The following PPP3CC variants were observed in gnomAD, a reference collection of about 807,000 sequenced individuals.
The protein encoded by PPP3CC is serine/threonine-protein phosphatase 2B catalytic subunit gamma isoform.
A neutral mutation model predicts 60.3 loss-of-function variants in PPP3CC; 35 were observed. The observed-to-expected ratio is 0.58, with a 90% confidence interval of 0.44 to 0.77. PPP3CC has a LOEUF of 0.77. Ranked by LOEUF, PPP3CC falls within the 30% of genes least tolerant of loss-of-function variation. PPP3CC has a pLI of 0.00. For synonymous variants in PPP3CC, 206 were observed against 224.3 expected (o/e 0.92, Z 0.73); for missense variants, 570 against 628.9 (o/e 0.91, Z 1.00).
chr8:22,452,539 G>A (rs12545909), intron 1 of PPP3CC, among the ~76,000 whole-genome samples: 83,541 of 151,680 alleles, frequency 0.55, 24,033 homozygotes, highest in African/African-American at 0.72. Flanking sequence ...TCTGTTAGCC[G>A]GCTGAAGAAG....
At chr8:22,496,204 T>TA (rs1838575078) in intron 3 of PPP3CC, among the ~76,000 whole-genome samples, 2 of 152,086 alleles carry the variant, frequency 1.3e-5, no homozygotes, top group Non-Finnish European at 2.9e-5. Flanking sequence ...TGTAGGTACT[T>TA]TTATACTATA....
chr8:22,447,788 G>A (rs1050299698), intron 1 of PPP3CC, among the ~76,000 whole-genome samples: 6 of 152,046 alleles, frequency 3.9e-5, no homozygotes, highest in Non-Finnish European at 7.4e-5. Context: ...TTGTTTTGTT[G>A]GCACTTTAGA....
At chr8:22,444,281 A>C (rs925015537) in intron 1 of PPP3CC, among the ~76,000 whole-genome samples, 7 of 151,190 alleles carry the variant, frequency 4.6e-5, no homozygotes, top group African/African-American at 1.5e-4. Context: ...AAAAAAACTC[A>C]TCTGTAAAAT....
intron 4 of PPP3CC, among the ~76,000 whole-genome samples, chr8:22,498,591 A>T (rs561274966): frequency 2.4e-4 from 37 of 152,394 alleles, no homozygotes; most frequent in Non-Finnish European, 5.0e-4. Flanking sequence ...TTTACAAATA[A>T]AATTGGGCTC....
chr8:22,520,002 G>A (rs1839362512), intron 6 of PPP3CC, among the ~76,000 whole-genome samples: 2 of 152,082 alleles, frequency 1.3e-5, no homozygotes, highest in South Asian at 4.2e-4. Context: ...CTCTCATAAG[G>A]CTGGTGTAGT....
chr8:22,523,478 G>A (rs189810013), intron 8 of PPP3CC, among the ~76,000 whole-genome samples: 1 of 152,192 alleles, frequency 6.6e-6, no homozygotes, highest in East Asian at 1.9e-4. Flanking sequence ...TATAAAGTAT[G>A]ACTATAAATT....
intron 13 of PPP3CC, among the ~76,000 whole-genome samples, chr8:22,540,222 C>A (rs1038268244): frequency 1.3e-5 from 2 of 152,016 alleles, no homozygotes; most frequent in African/African-American, 4.8e-5. Flanking sequence ...AAGCAACTAC[C>A]CTGGGTTTAA....
rs534862934 is a variant in PPP3CC at position 22,455,071 on chromosome 8, A to AAAG, written c.49+13615_49+13616insGAA. On this transcript the variant is annotated intron_variant, in intron 1 of 13. Transcript: ENST00000240139. ...ACTCCATCTCAAAAAAAAAAAAAAA[A>AAAG]AAAGAAAGAAAGGACTTAAACCTAA... Among the ~76,000 whole-genome samples, 1,448 of 150,630 alleles carry AAAG rather than the reference A, an allele frequency of 9.6e-3. 13 individuals carry two copies. Among genetic ancestry groups the AAAG allele is most frequent in the African/African-American group, 0.034 (1,382 of 40,342 alleles).
intron 1 of PPP3CC, among the ~76,000 whole-genome samples, chr8:22,466,229 T>C (rs527454371): frequency 6.6e-6 from 1 of 152,176 alleles, no homozygotes; most frequent in African/African-American, 2.4e-5. Flanking sequence ...CTTTATCCAG[T>C]CTATCATTGA....
At chr8:22,492,583 C>T (rs569849683) in intron 3 of PPP3CC, 3 of 467,162 alleles carry the variant, frequency 6.4e-6, no homozygotes, top group Admixed American at 3.5e-5. Context: ...CCAACCCTAG[C>T]CCCCCACGTT....
intron 1 of PPP3CC, among the ~76,000 whole-genome samples, chr8:22,460,624 A>C (rs1837337371): frequency 6.6e-6 from 1 of 151,808 alleles, no homozygotes; most frequent in Admixed American, 6.6e-5. Context: ...GTTTGAGACC[A>C]GCCTGGGCAA....
chr8:22,464,975 C>A (rs373667320), intron 1 of PPP3CC, among the ~76,000 whole-genome samples: 2 of 150,132 alleles, frequency 1.3e-5, no homozygotes, highest in East Asian at 3.9e-4. Flanking sequence ...TTAGACTCTC[C>A]CTTTTTTTTT....
In PPP3CC at chr8:22,523,347, G is replaced by C. The variant is rs557276322; in HGVS notation, c.943+598G>C. Among the ~76,000 whole-genome samples the C allele has an allele frequency of 8.5e-5, 13 of 152,150 alleles. 2 individuals are homozygous for C. Among genetic ancestry groups the C allele is most frequent in the African/African-American group, 3.1e-4 (13 of 41,532 alleles). ...TTTGTTCCAGAAATTTTACTTCTAA[G>C]ACTTTATCCTGTTAAAGTCTTTTTT... is the stretch of plus-strand genomic sequence containing the variant. On this transcript the variant is annotated intron_variant, in intron 8 of 13. Coordinates refer to ENST00000240139, the MANE Select transcript of PPP3CC (RefSeq NM_005605.5).
chr8:22,442,133 T>C (rs1270720681), intron 1 of PPP3CC, among the ~76,000 whole-genome samples: 1 of 152,250 alleles, frequency 6.6e-6, no homozygotes, highest in Non-Finnish European at 1.5e-5. Context: ...GGCTCTTTGC[T>C]CTCTAAATCT....
intron 1 of PPP3CC, among the ~76,000 whole-genome samples, chr8:22,454,633 A>G (rs562166282): frequency 6.6e-6 from 1 of 152,328 alleles, no homozygotes; most frequent in Non-Finnish European, 1.5e-5. Flanking sequence ...TGATGTTAAG[A>G]CAGGTGAAAA....
At chr8:22,468,325 A>G (rs1038797510) in intron 1 of PPP3CC, among the ~76,000 whole-genome samples, 2 of 152,060 alleles carry the variant, frequency 1.3e-5, no homozygotes, top group African/African-American at 4.8e-5. Flanking sequence ...GGCTGATCTC[A>G]AACTCCTGAC....
chr8:22,533,875 A>G (rs1839783553), intron 12 of PPP3CC, among the ~76,000 whole-genome samples: 1 of 151,516 alleles, frequency 6.6e-6, no homozygotes, highest in African/African-American at 2.4e-5. Context: ...TAATATTATT[A>G]TAGTTTTTCA....
At chr8:22,447,059 G>C (rs1184828274) in intron 1 of PPP3CC, among the ~76,000 whole-genome samples, 1 of 151,864 alleles carries the variant, frequency 6.6e-6, no homozygotes, top group Non-Finnish European at 1.5e-5. Flanking sequence ...CCAGGCTGGA[G>C]TACAGTGGCG....
chr8:22,527,408 T>C lies in PPP3CC; in HGVS notation c.960T>C (p.Tyr320=), dbSNP rs146379897. The part of the protein sequence containing the change: ...VYNNKAAVLK[Y]ENNVMNIRQF... Reference sequence around the variant, plus strand: ...CCTTTTTAGCTGCTGTGTTGAAATATGAAAACAATGTCATGAATATCAGGC... The same window carrying C: ...CCTTTTTAGCTGCTGTGTTGAAATACGAAAACAATGTCATGAATATCAGGC... The change falls in exon 9 of 14, where the codon TAT becomes TAC. Residue 320 remains tyrosine, a synonymous_variant. Coordinates refer to ENST00000240139, the MANE Select transcript of PPP3CC (RefSeq NM_005605.5). 1.5e-5 allele frequency: 25 copies of C among 1,613,800 alleles called. No individual in the cohort carries two copies. Among genetic ancestry groups the C allele is most frequent in the Non-Finnish European group, 2.1e-5 (25 of 1,179,870 alleles).
Sources: gnomAD v4.1 joint callset for allele counts (sites outside exome capture counted in the v4.1 genomes callset) on GRCh38, gnomAD v4.1.1 for gene constraint, MANE v1.5 for transcripts, NCBI Gene and HGNC (gene_info 2026-07-23, HGNC 2026-07-21) for gene names.